Variants in MALRD1 observed in about 807,000 individuals in gnomAD.
The protein encoded by MALRD1 is MAM and LDL receptor class A domain containing 1.
A neutral mutation model predicts 242.1 loss-of-function variants in MALRD1; 247 were observed. That is an observed-to-expected ratio of 1.02 (90% CI 0.92 to 1.13). The LOEUF (loss-of-function observed/expected upper bound fraction) is 1.13. MALRD1 is among the 50% of genes most tolerant of loss of function. MALRD1 has a pLI of 0.00. For missense variants in MALRD1, 2,989 were observed against 2,533.1 expected (o/e 1.18, Z -3.86); for synonymous variants, 995 against 866.6 (o/e 1.15, Z -2.60).
At chr10:19,460,510 T>A (rs1299272224) in intron 29 of MALRD1, among the ~76,000 whole-genome samples, 1 of 151,890 alleles carries the variant, frequency 6.6e-6, no homozygotes, top group African/African-American at 2.4e-5. Flanking sequence ...TTGAATAATA[T>A]GAAAAGAAGA....
intron 10 of MALRD1, among the ~76,000 whole-genome samples, chr10:19,145,151 C>T (rs185857066): frequency 6.6e-6 from 1 of 152,200 alleles, no homozygotes; most frequent in East Asian, 1.9e-4. Context: ...TTCTCGAAAG[C>T]AGAAATCAAG....
chr10:19,373,088 T>G (rs1396265886), intron 26 of MALRD1, among the ~76,000 whole-genome samples: 1 of 151,622 alleles, frequency 6.6e-6, no homozygotes, highest in African/African-American at 2.4e-5. Context: ...ATTTACACTT[T>G]TGGAGAAAAA....
At chr10:19,237,180 A>G (rs993718238) in intron 18 of MALRD1, among the ~76,000 whole-genome samples, 7 of 151,816 alleles carry the variant, frequency 4.6e-5, no homozygotes, top group African/African-American at 1.7e-4. Flanking sequence ...GTAATATACA[A>G]TACTTTACTT....
chr10:19,113,834 C>CAG (rs1554791247), intron 5 of MALRD1, among the ~76,000 whole-genome samples: 17 of 149,890 alleles, frequency 1.1e-4, no homozygotes, highest in African/African-American at 3.9e-4. Context: ...CACACACAGA[C>CAG]ACACACACAC....
chr10:19,524,805 T>C (rs2131327749), intron 31 of MALRD1, among the ~76,000 whole-genome samples: 2 of 152,300 alleles, frequency 1.3e-5, no homozygotes, highest in Middle Eastern at 3.4e-3. Flanking sequence ...AAATTGTCTT[T>C]TATTATTTTT....
chr10:19,155,054 A>G (rs1341093584), intron 11 of MALRD1, 21 bp from the exon 12 acceptor site: 1 of 1,223,618 alleles, frequency 8.2e-7, no homozygotes, highest in Non-Finnish European at 1.0e-6. Flanking sequence ...CATCCCTATG[A>G]CTTTCCCTTT....
intron 36 of MALRD1, among the ~76,000 whole-genome samples, chr10:19,652,347 G>A (rs187238336): frequency 6.6e-6 from 1 of 152,186 alleles, no homozygotes; most frequent in East Asian, 1.9e-4. Flanking sequence ...AGAGCCAAAT[G>A]TGCCAAAGCA....
chr10:19,666,814 A>G (rs1436125596), intron 36 of MALRD1, among the ~76,000 whole-genome samples: 2 of 152,202 alleles, frequency 1.3e-5, no homozygotes, highest in Non-Finnish European at 2.9e-5. Flanking sequence ...GAATAAAGCC[A>G]TATAAATCCA....
At chr10:19,190,987 C>A (rs570892776) in intron 14 of MALRD1, among the ~76,000 whole-genome samples, 1 of 152,004 alleles carries the variant, frequency 6.6e-6, no homozygotes, top group East Asian at 1.9e-4. Context: ...TTTTTTGCAT[C>A]CTAAAACACT....
At chr10:19,719,391 T>C (rs1834636889) in intron 38 of MALRD1, among the ~76,000 whole-genome samples, 1 of 151,308 alleles carries the variant, frequency 6.6e-6, no homozygotes, top group Non-Finnish European at 1.5e-5. Context: ...TGGGTTTTCT[T>C]TAAGATTAAG....
At chr10:19,108,387 CTTTTTTTTTTTTTTTTTTTT>C (rs35948766) in intron 5 of MALRD1, among the ~76,000 whole-genome samples, 4 of 19,764 alleles carry the variant, frequency 2.0e-4, no homozygotes, top group South Asian at 5.1e-3. Context: ...ATTGTTTTTT[CTTTTTTTTTTTTTTTTTTTT>C]TTTTTTTTTT....
intron 5 of MALRD1, among the ~76,000 whole-genome samples, chr10:19,109,603 T>C (rs181054134): frequency 6.6e-6 from 1 of 152,358 alleles, no homozygotes; most frequent in Admixed American, 6.5e-5. Context: ...GGCAATTTAT[T>C]CACAGAAGTA....
intron 28 of MALRD1, 39 bp downstream of exon 28, chr10:19,389,648 TTC>T: frequency 1.3e-6 from 2 of 1,533,686 alleles, no homozygotes; most frequent in Non-Finnish European, 1.8e-6. Flanking sequence ...GCTTGTTTTG[TTC>T]TGTTTTAGAG....
At chr10:19,387,157 C>T (rs1846114661) in intron 26 of MALRD1, among the ~76,000 whole-genome samples, 1 of 152,014 alleles carries the variant, frequency 6.6e-6, no homozygotes, top group Admixed American at 6.6e-5. Flanking sequence ...CTCTTAGCTG[C>T]TTAAAGATTT....
intron 36 of MALRD1, among the ~76,000 whole-genome samples, chr10:19,627,759 TAAAAAAAA>T (rs553942713): frequency 3.6e-5 from 2 of 56,232 alleles, no homozygotes; most frequent in African/African-American, 1.4e-4. Flanking sequence ...CAAGACTGTC[TAAAAAAAA>T]AAAAAAAAAA....
chr10:19,686,531 G>A (rs544448431), intron 36 of MALRD1, among the ~76,000 whole-genome samples: 2 of 152,190 alleles, frequency 1.3e-5, no homozygotes, highest in Non-Finnish European at 2.9e-5. Flanking sequence ...TTATTAGGAA[G>A]CTGCTGATCT....
chr10:19,573,193 T>G (rs1836647187), intron 33 of MALRD1, among the ~76,000 whole-genome samples: 1 of 152,142 alleles, frequency 6.6e-6, no homozygotes, highest in African/African-American at 2.4e-5. Context: ...ATGGCACGTG[T>G]TCCTTCTGGA....
At chr10:19,130,605 A>T (rs1488148194) in intron 8 of MALRD1, among the ~76,000 whole-genome samples, 1 of 152,146 alleles carries the variant, frequency 6.6e-6, no homozygotes, top group Non-Finnish European at 1.5e-5. Context: ...TGCTCTGAAA[A>T]TGAGTGATGT....
intron 26 of MALRD1, among the ~76,000 whole-genome samples, chr10:19,379,434 C>T (rs1301373385): frequency 1.3e-5 from 2 of 152,076 alleles, no homozygotes; most frequent in African/African-American, 4.8e-5. Context: ...GCACTTATAG[C>T]TGTATGTTAC....
Sources: allele counts gnomAD v4.1 joint callset (sites outside exome capture counted in the v4.1 genomes callset), GRCh38; gene constraint gnomAD v4.1.1; transcripts MANE v1.5; gene names NCBI Gene and HGNC (gene_info 2026-07-23, HGNC 2026-07-21).